MEI4: variants seen among roughly 807,000 people sequenced by gnomAD.
MEI4 encodes the protein meiotic double-stranded break formation protein 4, also known as meiosis-specific protein MEI4.
Under a neutral mutation model 31.4 loss-of-function variants are expected in MEI4, and 27 were observed. That is an observed-to-expected ratio of 0.86 (90% CI 0.63 to 1.19). The LOEUF (loss-of-function observed/expected upper bound fraction) is 1.19. MEI4 is among the 50% of genes most tolerant of loss of function. MEI4 has a pLI of 0.00. For synonymous variants in MEI4, 122 were observed against 145.4 expected (o/e 0.84, Z 1.16); for missense variants, 329 against 398.9 (o/e 0.82, Z 1.49).
intron 2 of MEI4, among the ~76,000 whole-genome samples, chr6:77,714,202 A>G (rs1766529548): frequency 6.6e-6 from 1 of 151,640 alleles, no homozygotes; most frequent in African/African-American, 2.4e-5. Context: ...AACACACTCC[A>G]TGACACAAGT....
At chr6:77,737,262 A>G (rs963045297) in intron 2 of MEI4, among the ~76,000 whole-genome samples, 2 of 152,230 alleles carry the variant, frequency 1.3e-5, no homozygotes, top group Non-Finnish European at 2.9e-5. Flanking sequence ...AGACAGAGTA[A>G]TTAGGCATCA....
chr6:77,800,622 G>A (rs1393509410), intron 3 of MEI4, among the ~76,000 whole-genome samples: 1 of 152,208 alleles, frequency 6.6e-6, no homozygotes, highest in Non-Finnish European at 1.5e-5. Flanking sequence ...GATATTGGCT[G>A]TGGGTTTCTC....
chr6:77,786,983 G>C (rs1220038337), intron 3 of MEI4, among the ~76,000 whole-genome samples: 2 of 152,120 alleles, frequency 1.3e-5, no homozygotes, highest in Non-Finnish European at 2.9e-5. Flanking sequence ...TATCTGTGTT[G>C]CCCAGCAAGC....
chr6:77,852,049 T>C (rs895905573), intron 4 of MEI4, among the ~76,000 whole-genome samples: 21 of 152,214 alleles, frequency 1.4e-4, no homozygotes, highest in African/African-American at 4.8e-4. Context: ...AATTATCTTA[T>C]TTAATGTAAA....
At chr6:77,899,395 T>G (rs1766145400) in intron 4 of MEI4, among the ~76,000 whole-genome samples, 1 of 152,044 alleles carries the variant, frequency 6.6e-6, no homozygotes, top group African/African-American at 2.4e-5. Flanking sequence ...CCCCATTATA[T>G]AAAATGTGAT....
At chr6:77,695,984 CT>C (rs1766025714) in intron 2 of MEI4, among the ~76,000 whole-genome samples, 2 of 152,080 alleles carry the variant, frequency 1.3e-5, no homozygotes. Flanking sequence ...CTTCACATCC[CT>C]TGTAATTTGG....
chr6:77,835,264 G>A (rs967462212), intron 4 of MEI4, among the ~76,000 whole-genome samples: 3 of 150,936 alleles, frequency 2.0e-5, no homozygotes, highest in Admixed American at 2.0e-4. Flanking sequence ...GGAGGCTGAG[G>A]CAGGAGAATC....
chr6:77,773,958 A>G (rs1353805246), intron 3 of MEI4, among the ~76,000 whole-genome samples: 11 of 152,130 alleles, frequency 7.2e-5, no homozygotes. Flanking sequence ...TAAAACGATA[A>G]TGAGATGTAA....
chr6:77,659,467 GC>G (rs1178688485), intron 1 of MEI4, among the ~76,000 whole-genome samples: 1 of 152,204 alleles, frequency 6.6e-6, no homozygotes, highest in East Asian at 1.9e-4. Context: ...TAGGGAGGCA[GC>G]TGTCAGAGGT....
chr6:77,798,869 A>C (rs12174630), intron 3 of MEI4, among the ~76,000 whole-genome samples: 35,171 of 150,922 alleles, frequency 0.23, 4,467 homozygotes, highest in East Asian at 0.39. Flanking sequence ...ATATGTGCCA[A>C]ATTTTCTTAA....
At chr6:77,849,628 T>C (rs1770568755) in intron 4 of MEI4, among the ~76,000 whole-genome samples, 1 of 152,192 alleles carries the variant, frequency 6.6e-6, no homozygotes. Flanking sequence ...TAAGGGAAAA[T>C]GAGAATTCCA....
intron 2 of MEI4, among the ~76,000 whole-genome samples, chr6:77,735,187 C>G (rs1234395675): frequency 1.3e-5 from 2 of 152,132 alleles, no homozygotes; most frequent in East Asian, 3.9e-4. Context: ...GCCTGCCTTG[C>G]TAGATTGGGG....
At chr6:77,756,108 T>TA (rs1251274700) in intron 2 of MEI4, among the ~76,000 whole-genome samples, 1 of 152,092 alleles carries the variant, frequency 6.6e-6, no homozygotes, top group East Asian at 1.9e-4. Flanking sequence ...AAGCAAAGAA[T>TA]AGAATCTGGT....
rs74355626 is a variant in MEI4, at chr6:77,698,428, G to T, written c.232+7525G>T. Among the ~76,000 whole-genome samples the T allele has an allele frequency of 0.023, 3,459 of 152,200 alleles. 328 individuals are homozygous for T. In the East Asian group the frequency reaches 0.31, roughly 14 times the overall value. On this transcript the variant is annotated intron_variant, in intron 2 of 4. Transcript: ENST00000684080. ...TACCGGTTGTTCCTTTCTATGTTTA[G>T]TGCTTCCTTCAGGAGCTCTTTTAGG...
At chr6:77,827,184 C>A (rs544923079) in intron 3 of MEI4, among the ~76,000 whole-genome samples, 1 of 151,714 alleles carries the variant, frequency 6.6e-6, no homozygotes, top group African/African-American at 2.4e-5. Flanking sequence ...CACGGTGAAA[C>A]CCTGTCTCTA....
At chr6:77,751,672 A>G (rs953620206) in intron 2 of MEI4, among the ~76,000 whole-genome samples, 3 of 152,192 alleles carry the variant, frequency 2.0e-5, no homozygotes, top group Admixed American at 6.5e-5. Context: ...TTAACAGCCA[A>G]ATTCTACCAG....
chr6:77,730,742 G>C (rs970794460), intron 2 of MEI4, among the ~76,000 whole-genome samples: 1 of 151,668 alleles, frequency 6.6e-6, no homozygotes. Context: ...TCGTCATCTA[G>C]CATTAGGTGT....
intron 2 of MEI4, among the ~76,000 whole-genome samples, chr6:77,696,737 G>T (rs1220779781): frequency 2.0e-5 from 3 of 151,748 alleles, no homozygotes; most frequent in African/African-American, 4.8e-5. Context: ...TTTTTTGGTT[G>T]TGTCTCTGCC....
intron 2 of MEI4, among the ~76,000 whole-genome samples, chr6:77,703,141 T>C (rs895102269): frequency 6.6e-6 from 1 of 152,218 alleles, no homozygotes; most frequent in African/African-American, 2.4e-5. Context: ...GTTCCTGTCA[T>C]GGAGGGACAT....
Sources: gnomAD v4.1 joint callset for allele counts (sites outside exome capture counted in the v4.1 genomes callset) on GRCh38, gnomAD v4.1.1 for gene constraint, MANE v1.5 for transcripts, NCBI Gene and HGNC (gene_info 2026-07-23, HGNC 2026-07-21) for gene names.